Variants in BUD31 observed in about 807,000 individuals in gnomAD.
BUD31 encodes the protein BUD31 spliceosome associated protein.
In BUD31, 9 loss-of-function variants were observed where a neutral mutation model predicts 17.9. The ratio of observed to expected loss-of-function variants is 0.50; its 90% CI spans 0.30 to 0.88. The LOEUF is 0.88. BUD31 is among the 40% of genes least tolerant of loss of function. The probability of loss-of-function intolerance (pLI) is 0.06; values close to 1 mark genes in which losing one functional copy is unlikely to be tolerated. For missense variants in BUD31, 148 were observed against 184.5 expected, an observed-to-expected ratio of 0.80 and a Z score of 1.15; for synonymous variants, 70 against 64.7, an observed-to-expected ratio of 1.08 and a Z score of -0.39.
At chr7:99,416,112 C>A (rs774467466) in intron 3 of BUD31, 26 bp from the exon 4 acceptor site, 1 of 1,611,810 alleles carries the variant, frequency 6.2e-7, no homozygotes. Context: ...CCTATTCCCC[C>A]AAACACACTC....
intron 4 of BUD31, among the ~76,000 whole-genome samples, chr7:99,416,505 C>T (rs554144908): frequency 6.6e-6 from 1 of 150,654 alleles, no homozygotes; most frequent in Non-Finnish European, 1.5e-5. Context: ...CTGCAAGCTC[C>T]ACTTCCTGGG....
intron 5 of BUD31, 133 bp downstream of exon 5, chr7:99,417,728 G>A (rs968542794): frequency 1.0e-5 from 16 of 1,536,592 alleles, no homozygotes; most frequent in African/African-American, 8.2e-5. Flanking sequence ...GCTCTCCCTC[G>A]TGGGAGTGGG....
intron 3 of BUD31, among the ~76,000 whole-genome samples, 191 bp from the exon 4 acceptor site, chr7:99,415,942 CTTATT>C (rs144723806): frequency 0.07 from 10,674 of 152,110 alleles, 748 homozygotes; most frequent in East Asian, 0.32. Flanking sequence ...TATAACTATT[CTTATT>C]TTATTTATTT....
chr7:99,415,342 C>A (rs768071003), intron 3 of BUD31: 23 of 431,060 alleles, frequency 5.3e-5, no homozygotes, highest in Non-Finnish European at 1.0e-4. Flanking sequence ...GAGAGAGAGA[C>A]AGCTTATGCC....
chr7:99,411,097 C>T lies in BUD31; in HGVS notation c.5C>T (p.Pro2Leu). 1 of 1,613,974 alleles carries T rather than the reference C, an allele frequency of 6.2e-7. No individual in the cohort carries two copies. M[P>L]KVKRSRKAPP... ...AGATTATCCTGTGGAAGGAAAATGC[C>T]TAAAGTCAAAAGAAGCCGGAAAGCA... is the stretch of plus-strand genomic sequence containing the variant. The change falls in exon 3 of 6, where the codon CCT becomes CTT. Residue 2 changes from proline (P) to leucine (L), a missense_variant. Transcript: ENST00000222969.
At chr7:99,410,274 T>C (rs1795123490) in intron 2 of BUD31, 105 bp downstream of exon 2, 1 of 152,138 alleles carries the variant, frequency 6.6e-6, no homozygotes, top group Admixed American at 6.6e-5. Flanking sequence ...TGGAGTGCAG[T>C]AGTGTGAACA....
intron 5 of BUD31, chr7:99,417,978 GCCC>G (rs968991151): frequency 1.7e-6 from 2 of 1,178,296 alleles, no homozygotes; most frequent in Admixed American, 4.1e-5. Context: ...TATCTTTCCC[GCCC>G]CCCCAAGACG....
At position 99,410,098 on chromosome 7, in the gene BUD31, A is replaced by G. The variant is rs1439965976; in HGVS notation, c.-101A>G. The G allele has an allele frequency of 2.6e-5, 4 of 152,236 alleles. No homozygotes were observed. Among genetic ancestry groups the G allele is most frequent in the East Asian group, 3.9e-4 (2 of 5,188 alleles). The allele number at this position is 152,236 out of a possible 1,614,324, so 9.4% of individuals were successfully genotyped here. ...CAGAATAATTTTTTAGAGCTGAACA[A>G]GAATCCAAGCCTGCAACTGCAGAGA... On this transcript the variant is annotated 5_prime_UTR_variant, in exon 2 of 6. Coordinates refer to ENST00000222969, the MANE Select transcript of BUD31 (RefSeq NM_003910.4).
chr7:99,416,425 G>GT (rs1795466225), intron 4 of BUD31, 165 bp downstream of exon 4: 1 of 844,214 alleles, frequency 1.2e-6, no homozygotes, highest in South Asian at 1.9e-5. Flanking sequence ...TTTGTTTTTT[G>GT]TTTGTTTGTT....
At chr7:99,419,185 G>A (rs973540183) in intron 5 of BUD31, 3 of 595,542 alleles carry the variant, frequency 5.0e-6, no homozygotes, top group Non-Finnish European at 6.0e-6. Flanking sequence ...TAGACATACA[G>A]ATGTAACCTC....
At chr7:99,412,739 G>A (rs1354800606) in intron 3 of BUD31, among the ~76,000 whole-genome samples, 1 of 151,426 alleles carries the variant, frequency 6.6e-6, no homozygotes. Flanking sequence ...AGCCTCTGGA[G>A]TAGCTGGGAC....
chr7:99,415,015 T>C (rs1003104324), intron 3 of BUD31: 5 of 254,290 alleles, frequency 2.0e-5, no homozygotes, highest in Admixed American at 1.7e-4. Flanking sequence ...CAACACTTGT[T>C]ATTGTGCCAT....
At chr7:99,416,045 T>C in intron 3 of BUD31, 93 bp from the exon 4 acceptor site, 1 of 1,545,028 alleles carries the variant, frequency 6.5e-7, no homozygotes, top group Non-Finnish European at 8.8e-7. Flanking sequence ...GGGTATAAAG[T>C]GGTATTTATT....
intron 5 of BUD31, chr7:99,419,078 C>A: frequency 2.5e-6 from 1 of 397,558 alleles, no homozygotes; most frequent in Non-Finnish European, 4.7e-6. Flanking sequence ...ATCGCAGGGT[C>A]TGTCATGCTC....
chr7:99,414,193 G>A (rs1323727940), intron 3 of BUD31, among the ~76,000 whole-genome samples: 1 of 151,038 alleles, frequency 6.6e-6, no homozygotes, highest in Non-Finnish European at 1.5e-5. Flanking sequence ...ACGCTGGAGT[G>A]CAGTGGTGCG....
intron 3 of BUD31, among the ~76,000 whole-genome samples, chr7:99,414,589 T>C (rs1257362262): frequency 6.6e-6 from 1 of 152,106 alleles, no homozygotes; most frequent in Non-Finnish European, 1.5e-5. Context: ...CAGTACTTAC[T>C]TCATTCCCTT....
At chr7:99,411,002 A>C in intron 2 of BUD31, 62 bp from the exon 3 acceptor site, 1 of 1,121,202 alleles carries the variant, frequency 8.9e-7, no homozygotes, top group Non-Finnish European at 1.3e-6. Flanking sequence ...GTACCGAAAT[A>C]ATGGCTGGCA....
At chr7:99,409,769 C>CGGGGGGG (rs370621425) in intron 1 of BUD31, among the ~76,000 whole-genome samples, 4 of 48,704 alleles carry the variant, frequency 8.2e-5, no homozygotes, top group Admixed American at 2.5e-4. Context: ...GCTCTGTGGG[C>CGGGGGGG]GGGGGGGGGG....
chr7:99,413,486 T>G (rs116788453), intron 3 of BUD31, among the ~76,000 whole-genome samples: 1,590 of 152,324 alleles, frequency 0.01, 18 homozygotes, highest in African/African-American at 0.036. Flanking sequence ...TCAAGATGAT[T>G]AGGATGCCCA....
Sources: allele counts gnomAD v4.1 joint callset (sites outside exome capture counted in the v4.1 genomes callset), GRCh38; gene constraint gnomAD v4.1.1; transcripts MANE v1.5; gene names NCBI Gene and HGNC (gene_info 2026-07-23, HGNC 2026-07-21).